Variants in SYT1 observed in about 807,000 individuals in gnomAD.
The protein encoded by SYT1 is synaptotagmin-1.
In SYT1, 8 loss-of-function variants were observed where a neutral mutation model predicts 44.8. That is an observed-to-expected ratio of 0.18 (90% CI 0.10 to 0.32). SYT1 has a LOEUF of 0.32. Ranked by LOEUF, SYT1 falls within the 10% of genes least tolerant of loss-of-function variation. The pLI is 1.00. For missense variants in SYT1, 286 were observed against 509.3 expected (o/e 0.56, Z 4.22); for synonymous variants, 154 against 188.8 (o/e 0.82, Z 1.51).
intron 3 of SYT1, among the ~76,000 whole-genome samples, chr12:79,063,309 T>C (rs1875524534): frequency 6.6e-6 from 1 of 152,180 alleles, no homozygotes; most frequent in South Asian, 2.1e-4. Context: ...AACTTGTCTG[T>C]TGATGCCCTT....
At chr12:78,972,714 G>A (rs1040068078) in intron 1 of SYT1, among the ~76,000 whole-genome samples, 8 of 151,588 alleles carry the variant, frequency 5.3e-5, no homozygotes, top group Non-Finnish European at 7.4e-5. Context: ...TAACTCATTC[G>A]ATTTTTTTTT....
chr12:79,435,923 G>A (rs1483938077), intron 9 of SYT1, among the ~76,000 whole-genome samples: 1 of 152,072 alleles, frequency 6.6e-6, no homozygotes, highest in Non-Finnish European at 1.5e-5. Context: ...ACAGCCCCCC[G>A]CTGAGAACCC....
intron 1 of SYT1, among the ~76,000 whole-genome samples, chr12:78,920,512 CAT>C (rs1390182061): frequency 6.6e-6 from 1 of 151,958 alleles, no homozygotes; most frequent in East Asian, 1.9e-4. Flanking sequence ...TTTTAATTCA[CAT>C]GTTTTAATTT....
chr12:78,876,877 T>TATATTATATATATAATATATTATAC (rs1565697852), intron 1 of SYT1, among the ~76,000 whole-genome samples: 2 of 53,504 alleles, frequency 3.7e-5, no homozygotes, highest in African/African-American at 1.7e-4. Context: ...ATATATTATA[T>TATATTATATATATAATATATTATAC]GTATTATATA....
intron 3 of SYT1, among the ~76,000 whole-genome samples, chr12:79,189,765 A>G (rs1013433199): frequency 6.6e-6 from 1 of 152,112 alleles, no homozygotes; most frequent in African/African-American, 2.4e-5. Flanking sequence ...TTAGCCAGAC[A>G]TGGTGGTTCA....
At chr12:78,934,898 G>A (rs899514835) in intron 1 of SYT1, among the ~76,000 whole-genome samples, 2 of 152,110 alleles carry the variant, frequency 1.3e-5, no homozygotes, top group South Asian at 4.1e-4. Context: ...CAAGCAGATC[G>A]TGCTTTCTGC....
Position 78,907,960 on chromosome 12 carries a change from C to T in SYT1, c.-217+42851C>T, listed in dbSNP as rs372380762. The stretch of plus-strand genomic sequence containing the variant: ...ATATAGAGAAAAGTTTTTCTCCAAA[C>T]ATTTTCTAGGGTCTGAAGTATCTGA... On this transcript the variant is annotated intron_variant, in intron 1 of 10. Coordinates refer to ENST00000261205, the MANE Select transcript of SYT1 (RefSeq NM_005639.3). 4.3e-4 allele frequency among the ~76,000 whole-genome samples: 66 copies of T among 152,064 alleles called. No homozygotes were observed. In the East Asian group the frequency reaches 0.012, roughly 27 times the overall value.
intron 3 of SYT1, among the ~76,000 whole-genome samples, chr12:79,176,769 A>G (rs943448596): frequency 6.6e-6 from 1 of 151,974 alleles, no homozygotes; most frequent in Non-Finnish European, 1.5e-5. Flanking sequence ...TTTTTTTTGG[A>G]GTAAACTAGA....
chr12:79,335,533 C>T (rs1013451973), intron 8 of SYT1, among the ~76,000 whole-genome samples: 5 of 152,054 alleles, frequency 3.3e-5, no homozygotes, highest in South Asian at 2.1e-4. Context: ...CTTGCTCTTC[C>T]GACTAGCTTA....
At chr12:78,956,911 A>C (rs913784063) in intron 1 of SYT1, among the ~76,000 whole-genome samples, 2 of 152,132 alleles carry the variant, frequency 1.3e-5, no homozygotes, top group Non-Finnish European at 2.9e-5. Flanking sequence ...TGAAAAAGAA[A>C]GATCAAATAG....
At chr12:78,872,858 C>A (rs183364558) in intron 1 of SYT1, among the ~76,000 whole-genome samples, 53 of 151,768 alleles carry the variant, frequency 3.5e-4, no homozygotes, top group Admixed American at 2.6e-3. Flanking sequence ...GTAATTGGCA[C>A]ACTTAAATGG....
At position 79,043,715 on chromosome 12, in the gene SYT1, C is replaced by G. The variant is rs141379809; in HGVS notation, c.-83-3582C>G. Among the ~76,000 whole-genome samples the G allele has an allele frequency of 9.1e-3, 1,383 of 152,190 alleles. 26 individuals carry two copies. The highest frequency in any genetic ancestry group is 0.066 in the East Asian group (340 of 5,164). On this transcript the variant is annotated intron_variant, in intron 2 of 10. Coordinates refer to ENST00000261205, the MANE Select transcript of SYT1 (RefSeq NM_005639.3). ...GCTGGTTAGTCGATGCAGTTTCTTC[C>G]TAGTCTCCATGGTCTTTACATTTTG...
intron 3 of SYT1, among the ~76,000 whole-genome samples, chr12:79,050,048 C>T (rs1433619636): frequency 5.3e-5 from 8 of 151,968 alleles, no homozygotes; most frequent in African/African-American, 1.9e-4. Flanking sequence ...CCTAAAATTC[C>T]ATGGTTAACT....
chr12:78,889,539 T>C (rs1178914298), intron 1 of SYT1, among the ~76,000 whole-genome samples: 1 of 151,942 alleles, frequency 6.6e-6, no homozygotes, highest in Non-Finnish European at 1.5e-5. Context: ...TTAGAAATGT[T>C]ATTTATGAAA....
At chr12:79,343,547 A>G (rs936603102) in intron 8 of SYT1, among the ~76,000 whole-genome samples, 1 of 152,324 alleles carries the variant, frequency 6.6e-6, no homozygotes, top group Admixed American at 6.5e-5. Flanking sequence ...AGACTTGGGA[A>G]TTGAACCTAA....
intron 9 of SYT1, among the ~76,000 whole-genome samples, chr12:79,433,278 C>G (rs73356719): frequency 6.6e-6 from 1 of 152,044 alleles, no homozygotes; most frequent in African/African-American, 2.4e-5. Flanking sequence ...AGACCAGGAA[C>G]CCGTGTAGTC....
At chr12:78,880,644 C>T (rs1324674226) in intron 1 of SYT1, among the ~76,000 whole-genome samples, 1 of 151,410 alleles carries the variant, frequency 6.6e-6, no homozygotes, top group Non-Finnish European at 1.5e-5. Context: ...CTCTATGCAT[C>T]TCATCCAATG....
chr12:78,910,490 AT>A (rs1771144563), intron 1 of SYT1, among the ~76,000 whole-genome samples: 1 of 151,896 alleles, frequency 6.6e-6, no homozygotes, highest in African/African-American at 2.4e-5. Context: ...CTCATCTTAA[AT>A]CCCTAGATAT....
chr12:79,195,305 T>A (rs765674501), intron 3 of SYT1, among the ~76,000 whole-genome samples: 1 of 152,186 alleles, frequency 6.6e-6, no homozygotes, highest in Non-Finnish European at 1.5e-5. Context: ...TTGTCCATCA[T>A]CTGTTTTCAG....
Sources: allele counts gnomAD v4.1 joint callset (sites outside exome capture counted in the v4.1 genomes callset), GRCh38; gene constraint gnomAD v4.1.1; transcripts MANE v1.5; gene names NCBI Gene and HGNC (gene_info 2026-07-23, HGNC 2026-07-21).